Variants in NRF1 observed in about 807,000 individuals in gnomAD.
The protein encoded by NRF1 is nuclear respiratory factor 1.
NRF1 carries 5 observed loss-of-function variants against 58.5 expected under a neutral mutation model. The observed-to-expected ratio is 0.09, with a 90% CI of 0.04 to 0.18. The LOEUF (loss-of-function observed/expected upper bound fraction) is 0.18. Ranked by LOEUF, NRF1 falls within the 10% of genes least tolerant of loss-of-function variation. NRF1 has a pLI of 1.00. For synonymous variants in NRF1, 224 were observed against 246.7 expected (o/e 0.91, Z 0.86); for missense variants, 288 against 657.7 (o/e 0.44, Z 6.15).
intron 5 of NRF1, among the ~76,000 whole-genome samples, chr7:129,696,703 T>C (rs1802706861): frequency 6.6e-6 from 1 of 152,228 alleles, no homozygotes; most frequent in South Asian, 2.1e-4. Context: ...TAGAGATAAC[T>C]TGATATTGAT....
Position 129,657,539 on chromosome 7 carries a change from C to A in NRF1, c.188C>A (p.Ala63Glu). 1 of 1,613,836 alleles carries A rather than the reference C, an allele frequency of 6.2e-7. No individual in the cohort carries two copies. The highest frequency in any genetic ancestry group is 1.7e-4 in the Middle Eastern group (1 of 6,056). ...GACTCAGATATACTCAACTCCACAGCAGCTGATGAGGTGACAGCTCATCTG... is the reference window on the plus strand; with the variant it reads ...GACTCAGATATACTCAACTCCACAGAAGCTGATGAGGTGACAGCTCATCTG... ...YDDSDILNST[A>E]ADEVTAHLAA... The change falls in exon 2 of 11, where the codon GCA becomes GAA. Residue 63 changes from alanine (A) to glutamate (E), a missense_variant. Around this residue, in one of 3 missense-constraint regions of NRF1, gnomAD observed 212 missense variants for 559.7 expected, o/e 0.38. Coordinates refer to ENST00000393232, the MANE Select transcript of NRF1 (RefSeq NM_005011.5).
intron 5 of NRF1, among the ~76,000 whole-genome samples, chr7:129,698,433 T>G (rs1802748502): frequency 1.3e-5 from 2 of 151,962 alleles, no homozygotes; most frequent in South Asian, 4.2e-4. Context: ...CCTTTAAGAA[T>G]AGTGGCTGGA....
At chr7:129,612,788 A>G (rs886253008) in intron 1 of NRF1, among the ~76,000 whole-genome samples, 4 of 152,136 alleles carry the variant, frequency 2.6e-5, no homozygotes, top group Non-Finnish European at 4.4e-5. Flanking sequence ...CCATCGTGCA[A>G]TGATGTCTGC....
rs543592432 is a variant in NRF1 at position 129,674,197 on chromosome 7, A to G, written c.338+2654A>G. Among the ~76,000 whole-genome samples, 5 of 152,334 alleles carry G rather than the reference A, an allele frequency of 3.3e-5. No individual in the cohort carries two copies. The South Asian group carries it at 6.2e-4, about 19-fold the overall frequency. ...TCACTTGTGAAATACTGTAGGACTA[A>G]GAATAATTATTTATATCACAATGAA... On this transcript the variant is annotated intron_variant, in intron 3 of 10. Transcript: ENST00000393232.
At chr7:129,684,208 TA>T (rs1802392871) in intron 4 of NRF1, among the ~76,000 whole-genome samples, 2 of 152,122 alleles carry the variant, frequency 1.3e-5, no homozygotes, top group African/African-American at 4.8e-5. Context: ...GTAGACTTGT[TA>T]AATTCAAGAA....
intron 1 of NRF1, among the ~76,000 whole-genome samples, chr7:129,638,391 G>C (rs1490161703): frequency 1.3e-5 from 2 of 152,174 alleles, no homozygotes; most frequent in Non-Finnish European, 2.9e-5. Context: ...TTTGACCCAA[G>C]TGAGCTTAGT....
intron 2 of NRF1, among the ~76,000 whole-genome samples, chr7:129,662,462 A>G (rs936265515): frequency 6.6e-6 from 1 of 151,174 alleles, no homozygotes; most frequent in Non-Finnish European, 1.5e-5. Context: ...CCAATAGTGG[A>G]AAAAAATTTC....
At chr7:129,657,715 T>C in intron 2 of NRF1, 141 bp downstream of exon 2, 1 of 614,214 alleles carries the variant, frequency 1.6e-6, no homozygotes, top group Non-Finnish European at 2.8e-6. Flanking sequence ...GTTCAAGTGA[T>C]TCTCCCATCT....
Position 129,710,254 on chromosome 7 carries a change from G to A in NRF1, c.766-120G>A. The A allele has an allele frequency of 4.8e-6, 4 of 825,058 alleles. No homozygotes were observed. The South Asian group carries it at 6.2e-5, about 13-fold the overall frequency. The allele number at this position is 825,058 out of a possible 1,614,324, so 51.1% of individuals were successfully genotyped here. On this transcript the variant is annotated intron_variant, in intron 6 of 10. Coordinates refer to ENST00000393232, the MANE Select transcript of NRF1 (RefSeq NM_005011.5). The stretch of plus-strand genomic sequence containing the variant: ...GTCTGTGGGAGGTAATCCTAGGAGA[G>A]TCTAATAAGAGGTTTGGTTTGGTTT...
intron 5 of NRF1, among the ~76,000 whole-genome samples, chr7:129,706,191 C>T (rs1802946261): frequency 6.6e-6 from 1 of 152,062 alleles, no homozygotes; most frequent in African/African-American, 2.4e-5. Context: ...TAGTGTGAGG[C>T]CAGATTGTGG....
chr7:129,659,073 CTT>C (rs780109640), intron 2 of NRF1, among the ~76,000 whole-genome samples: 3 of 88,180 alleles, frequency 3.4e-5, no homozygotes, highest in African/African-American at 5.0e-5. Flanking sequence ...CACCACAGGA[CTT>C]TTTTTTTTTT....
At chr7:129,719,960 T>C (rs886881842) in intron 9 of NRF1, among the ~76,000 whole-genome samples, 2 of 152,024 alleles carry the variant, frequency 1.3e-5, no homozygotes, top group African/African-American at 4.8e-5. Flanking sequence ...TAGTGGAAAA[T>C]ATGAGGCACA....
At chr7:129,679,617 G>A (rs1364649919) in intron 4 of NRF1, among the ~76,000 whole-genome samples, 1 of 151,830 alleles carries the variant, frequency 6.6e-6, no homozygotes, top group African/African-American at 2.4e-5. Context: ...CAGCTACTCG[G>A]GAGGCTGAGG....
At chr7:129,745,548 G>A (rs530630866) in intron 10 of NRF1, among the ~76,000 whole-genome samples, 29 of 115,850 alleles carry the variant, frequency 2.5e-4, no homozygotes, top group Non-Finnish European at 4.0e-4. Flanking sequence ...CATGAAACTA[G>A]TCCCTGCTGC....
intron 10 of NRF1, among the ~76,000 whole-genome samples, chr7:129,742,868 T>C (rs1463518928): frequency 2.0e-5 from 3 of 152,196 alleles, no homozygotes; most frequent in African/African-American, 7.2e-5. Context: ...TCAGTCACGC[T>C]GGCCACATTT....
In NRF1 at chr7:129,690,376, T is replaced by A. The variant is rs944591440; in HGVS notation, c.466-30T>A. The A allele has an allele frequency of 3.7e-6, 6 of 1,600,380 alleles. No homozygotes were observed. In the African/African-American group the frequency reaches 8.0e-5, roughly 21 times the overall value. ...CAATCCTCCCTGGTTGTTGGGCATCTTGTTTACTTCTGCCCTTAATTCCCT... is the reference window on the plus strand; with the variant it reads ...CAATCCTCCCTGGTTGTTGGGCATCATGTTTACTTCTGCCCTTAATTCCCT... On this transcript the variant is annotated intron_variant, in intron 4 of 10. Transcript: ENST00000393232.
At chr7:129,614,780 G>T (rs1474061250) in intron 1 of NRF1, among the ~76,000 whole-genome samples, 2 of 152,152 alleles carry the variant, frequency 1.3e-5, no homozygotes, top group African/African-American at 4.8e-5. Flanking sequence ...ACCCCAAATT[G>T]TAGGTTTTTT....
intron 4 of NRF1, among the ~76,000 whole-genome samples, chr7:129,687,795 G>C (rs1376178106): frequency 2.0e-5 from 3 of 152,166 alleles, no homozygotes; most frequent in African/African-American, 7.2e-5. Flanking sequence ...TGATAAATAT[G>C]AAAGAAAAAT....
intron 9 of NRF1, among the ~76,000 whole-genome samples, chr7:129,721,050 A>G (rs1253091971): frequency 6.6e-6 from 1 of 151,954 alleles, no homozygotes; most frequent in East Asian, 1.9e-4. Context: ...TAGCTTATAT[A>G]TAAGCTATTT....
Sources: allele counts gnomAD v4.1 joint callset (sites outside exome capture counted in the v4.1 genomes callset), GRCh38; gene constraint gnomAD v4.1.1; regional missense constraint gnomAD v4.1.1; transcripts MANE v1.5; gene names NCBI Gene and HGNC (gene_info 2026-07-23, HGNC 2026-07-21).